Variants in CREB5 observed in about 807,000 individuals in gnomAD.
The protein encoded by CREB5 is cyclic AMP-responsive element-binding protein 5.
A neutral mutation model predicts 57.1 loss-of-function variants in CREB5; 19 were observed. That is an observed-to-expected ratio of 0.33 (90% CI 0.23 to 0.49). The LOEUF is 0.49. Among genes scored for constraint, CREB5 ranks in the 20% least tolerant of loss-of-function variants. The pLI, the probability that CREB5 is intolerant of heterozygous loss-of-function variation, is 0.99. For synonymous variants in CREB5, 238 were observed against 238.3 expected, an observed-to-expected ratio of 1.00 and a Z score of 0.01; for missense variants, 579 against 671.6, an observed-to-expected ratio of 0.86 and a Z score of 1.52.
rs139947751 is a variant in CREB5, at chr7:28,656,239, G to A, written c.465-62514G>A. ...TTGAACACAAATTTATCTTTTCAAA[G>A]TTATTTCAACTAAAAATAAAAACAA... On this transcript the variant is annotated intron_variant, in intron 5 of 10. Transcript: ENST00000357727. 7.0e-3 allele frequency among the ~76,000 whole-genome samples: 1,068 copies of A among 152,226 alleles called. 41 individuals carry two copies. The highest frequency in any genetic ancestry group is 0.06 in the Admixed American group (917 of 15,286).
chr7:28,399,919 G>C (rs983789678), intron 1 of CREB5, among the ~76,000 whole-genome samples: 1 of 152,132 alleles, frequency 6.6e-6, no homozygotes, highest in Non-Finnish European at 1.5e-5. Flanking sequence ...TTAGCTGGGC[G>C]TGGTGGCAGG....
chr7:28,318,615 A>G (rs1785426617), intron 1 of CREB5, among the ~76,000 whole-genome samples: 1 of 152,132 alleles, frequency 6.6e-6, no homozygotes, highest in South Asian at 2.1e-4. Context: ...CTGAGACAGG[A>G]GTTGGACCAC....
At chr7:28,526,192 C>A (rs2128619040) in intron 4 of CREB5, among the ~76,000 whole-genome samples, 1 of 152,306 alleles carries the variant, frequency 6.6e-6, no homozygotes. Flanking sequence ...ATGATCCATA[C>A]TGAGCAGGAA....
chr7:28,597,678 C>T (rs1259017916), intron 5 of CREB5, among the ~76,000 whole-genome samples: 2 of 152,092 alleles, frequency 1.3e-5, no homozygotes, highest in Admixed American at 1.3e-4. Context: ...ATGACATCAA[C>T]CTCTCTCTCA....
chr7:28,339,849 A>G (rs1372587851), intron 1 of CREB5, among the ~76,000 whole-genome samples: 1 of 152,192 alleles, frequency 6.6e-6, no homozygotes, highest in African/African-American at 2.4e-5. Flanking sequence ...TCAAACCACA[A>G]GACAAAGTCC....
chr7:28,628,080 A>C (rs554556366), intron 5 of CREB5, among the ~76,000 whole-genome samples: 2 of 152,066 alleles, frequency 1.3e-5, no homozygotes, highest in Admixed American at 1.3e-4. Context: ...GATTTCTCTT[A>C]TTCTCTTATT....
intron 2 of CREB5, among the ~76,000 whole-genome samples, 168 bp downstream of exon 2, chr7:28,488,414 A>G (rs1791665756): frequency 6.6e-6 from 1 of 152,194 alleles, no homozygotes; most frequent in Admixed American, 6.5e-5. Flanking sequence ...CATCGCCATC[A>G]TTATATTCTG....
chr7:28,399,794 G>A (rs373382191), intron 1 of CREB5, among the ~76,000 whole-genome samples: 70 of 152,232 alleles, frequency 4.6e-4, no homozygotes, highest in African/African-American at 1.5e-3. Context: ...GGTGGCTCAC[G>A]CCTGTAATCC....
intron 2 of CREB5, among the ~76,000 whole-genome samples, chr7:28,490,723 C>G (rs10216059): frequency 0.2 from 30,650 of 152,170 alleles, 3,341 homozygotes; most frequent in South Asian, 0.28. Flanking sequence ...AAAAATGTTT[C>G]CAGACATTGC....
At chr7:28,424,281 A>G (rs1412110312) in intron 1 of CREB5, among the ~76,000 whole-genome samples, 1 of 152,232 alleles carries the variant, frequency 6.6e-6, no homozygotes, top group Non-Finnish European at 1.5e-5. Flanking sequence ...TCCTTTCAGG[A>G]AAACACAATT....
intron 1 of CREB5, among the ~76,000 whole-genome samples, chr7:28,418,423 T>A (rs6960682): frequency 0.054 from 8,195 of 152,136 alleles, 723 homozygotes; most frequent in African/African-American, 0.19. Flanking sequence ...ACAGAATTGT[T>A]TGTGGAGGGG....
chr7:28,625,031 A>G (rs1797950385), intron 5 of CREB5, among the ~76,000 whole-genome samples: 1 of 151,834 alleles, frequency 6.6e-6, no homozygotes, highest in African/African-American at 2.4e-5. Flanking sequence ...AGGATTTAAA[A>G]ATACAGAGTA....
chr7:28,562,101 A>G (rs1012388051), intron 4 of CREB5, among the ~76,000 whole-genome samples: 1 of 152,182 alleles, frequency 6.6e-6, no homozygotes, highest in South Asian at 2.1e-4. Flanking sequence ...ATTTTGGTGG[A>G]TACGTCAATC....
At chr7:28,653,944 G>A (rs1464322575) in intron 5 of CREB5, among the ~76,000 whole-genome samples, 2 of 152,158 alleles carry the variant, frequency 1.3e-5, no homozygotes, top group Admixed American at 6.5e-5. Flanking sequence ...ATTTCTTTTG[G>A]ATCCAGAGAC....
intron 4 of CREB5, among the ~76,000 whole-genome samples, chr7:28,560,903 CGCGTGCGT>C (rs1194605106): frequency 0.063 from 1,650 of 26,110 alleles, 282 homozygotes; most frequent in African/African-American, 0.24. Context: ...TGTGCGTGCG[CGCGTGCGT>C]GTGCGTGTGT....
intron 1 of CREB5, among the ~76,000 whole-genome samples, chr7:28,373,641 G>T (rs1017177008): frequency 2.0e-5 from 3 of 151,578 alleles, no homozygotes; most frequent in African/African-American, 7.3e-5. Context: ...ACCCAGGCTG[G>T]TCTCCAACTC....
chr7:28,445,595 A>G (rs1167595376), intron 1 of CREB5, among the ~76,000 whole-genome samples: 1 of 151,378 alleles, frequency 6.6e-6, no homozygotes, highest in Non-Finnish European at 1.5e-5. Flanking sequence ...TCTGTTGCCC[A>G]GGCTGGAGTG....
intron 2 of CREB5, among the ~76,000 whole-genome samples, chr7:28,489,877 G>A (rs1022182965): frequency 6.6e-6 from 1 of 152,210 alleles, no homozygotes; most frequent in Non-Finnish European, 1.5e-5. Flanking sequence ...AAAACAGAGT[G>A]ATAAGTAACT....
chr7:28,320,127 C>T (rs961256620), intron 1 of CREB5, among the ~76,000 whole-genome samples: 13 of 152,032 alleles, frequency 8.6e-5, no homozygotes, highest in Admixed American at 5.9e-4. Context: ...GACGGGGTTT[C>T]GCCATGTTGT....
Sources: gnomAD v4.1 joint callset for allele counts (sites outside exome capture counted in the v4.1 genomes callset) on GRCh38, gnomAD v4.1.1 for gene constraint, MANE v1.5 for transcripts, NCBI Gene and HGNC (gene_info 2026-07-23, HGNC 2026-07-21) for gene names.